PDHX: variants seen among roughly 807,000 people sequenced by gnomAD.
PDHX encodes pyruvate dehydrogenase protein X component, mitochondrial.
A neutral mutation model predicts 55.3 loss-of-function variants in PDHX; 33 were observed. The observed-to-expected ratio is 0.60, with a 90% confidence interval of 0.45 to 0.80. The LOEUF (loss-of-function observed/expected upper bound fraction) is 0.80, where lower values mean the gene tolerates loss of function less well. Among genes scored for constraint, PDHX ranks in the 30% least tolerant of loss-of-function variants. The probability of loss-of-function intolerance (pLI) is 0.00; values close to 1 mark genes in which losing one functional copy is unlikely to be tolerated. For synonymous variants in PDHX, 226 were observed against 219.4 expected (o/e 1.03, Z -0.27); for missense variants, 622 against 619.9 (o/e 1.00, Z -0.04).
intron 1 of PDHX, among the ~76,000 whole-genome samples, chr11:34,931,141 G>T (rs1197958329): frequency 6.6e-6 from 1 of 152,034 alleles, no homozygotes; most frequent in Non-Finnish European, 1.5e-5. Flanking sequence ...TAAGCACCTG[G>T]CTTGAGAAGA....
chr11:34,955,886 G>T (rs1854895968), intron 3 of PDHX, among the ~76,000 whole-genome samples: 2 of 151,972 alleles, frequency 1.3e-5, no homozygotes, highest in African/African-American at 4.8e-5. Context: ...AGTTTTGAAA[G>T]GAATTAACAT....
chr11:34,958,961 A>C (rs915545156), intron 4 of PDHX, among the ~76,000 whole-genome samples: 3 of 152,144 alleles, frequency 2.0e-5, no homozygotes, highest in African/African-American at 7.2e-5. Context: ...AAAAATCTAA[A>C]GATTTAGTAA....
intron 1 of PDHX, 69 bp downstream of exon 1, chr11:34,916,884 G>A: frequency 7.1e-7 from 1 of 1,411,322 alleles, no homozygotes; most frequent in Non-Finnish European, 9.7e-7. Context: ...GGGCAGTTAT[G>A]ATTGAGGGCC....
rs929971319 is a variant in PDHX at position 34,994,909 on chromosome 11, C to G, written c.1248-5C>G. The G allele has an allele frequency of 6.2e-7, 1 of 1,613,738 alleles. No homozygotes were observed. Among genetic ancestry groups the G allele is most frequent in the Non-Finnish European group, 8.5e-7 (1 of 1,179,814 alleles). On this transcript the variant is annotated splice_polypyrimidine_tract_variant and splice_region_variant and intron_variant, in intron 10 of 10. Transcript: ENST00000227868. ...CTCCTTCAGAGCTTTTTCTTTTCCCCCTAGTATTTCCAACTTGGGGATGTT... is the reference window on the plus strand; with the variant it reads ...CTCCTTCAGAGCTTTTTCTTTTCCCGCTAGTATTTCCAACTTGGGGATGTT...
chr11:34,955,571 A>T (rs1854886139), intron 3 of PDHX, among the ~76,000 whole-genome samples: 1 of 152,166 alleles, frequency 6.6e-6, no homozygotes, highest in Non-Finnish European at 1.5e-5. Flanking sequence ...TAAATAGAAA[A>T]AAATGTGAAT....
intron 9 of PDHX, among the ~76,000 whole-genome samples, chr11:34,989,739 CT>C: frequency 6.6e-6 from 1 of 152,248 alleles, no homozygotes; most frequent in South Asian, 2.1e-4. Context: ...TCCTAACACT[CT>C]TTATCTCATT....
intron 1 of PDHX, among the ~76,000 whole-genome samples, chr11:34,917,520 C>T (rs1192551626): frequency 7.9e-5 from 12 of 151,850 alleles, no homozygotes; most frequent in Non-Finnish European, 1.6e-4. Context: ...ATTATTTTTC[C>T]TTATTTTGGG....
At chr11:34,981,763 A>T (rs1268507342) in intron 8 of PDHX, among the ~76,000 whole-genome samples, 1 of 151,876 alleles carries the variant, frequency 6.6e-6, no homozygotes, top group African/African-American at 2.4e-5. Context: ...GATGATGAGC[A>T]TTTTTTCATG....
At chr11:34,979,783 G>A (rs1232813783) in intron 8 of PDHX, among the ~76,000 whole-genome samples, 2 of 152,078 alleles carry the variant, frequency 1.3e-5, no homozygotes, top group African/African-American at 2.4e-5. Flanking sequence ...ATTGGATAAT[G>A]TTTGTATCCA....
intron 2 of PDHX, among the ~76,000 whole-genome samples, chr11:34,940,756 T>G (rs1310190713): frequency 6.6e-6 from 1 of 152,214 alleles, no homozygotes; most frequent in Non-Finnish European, 1.5e-5. Context: ...GGATCTGTTT[T>G]TTGTCTCTAA....
chr11:34,975,611 G>A (rs778192742), intron 7 of PDHX, among the ~76,000 whole-genome samples: 5 of 151,768 alleles, frequency 3.3e-5, no homozygotes, highest in Non-Finnish European at 5.9e-5. Flanking sequence ...GCTGCTAGTC[G>A]CCATCTGTTT....
chr11:34,953,607 A>G (rs547963244), intron 3 of PDHX, among the ~76,000 whole-genome samples: 1 of 152,350 alleles, frequency 6.6e-6, no homozygotes, highest in Admixed American at 6.5e-5. Flanking sequence ...TGTTTTTTTA[A>G]AATACAGACA....
chr11:34,942,580 A>G lies in PDHX; in HGVS notation c.242-4926A>G, dbSNP rs192134008. On this transcript the variant is annotated intron_variant, in intron 2 of 10. Transcript: ENST00000227868. ...GGAGTCTTTCTAAGTTATAGCACTA[A>G]ATTTTTGATCACAGCTGAAACTCAG... Among the ~76,000 whole-genome samples, 70 of 152,254 alleles carry G rather than the reference A, an allele frequency of 4.6e-4. No individual in the cohort carries two copies. The Middle Eastern group carries it at 0.01, about 22-fold the overall frequency.
intron 7 of PDHX, among the ~76,000 whole-genome samples, chr11:34,974,829 GC>G (rs1855332220): frequency 6.6e-6 from 1 of 152,142 alleles, no homozygotes; most frequent in African/African-American, 2.4e-5. Flanking sequence ...GATTGCTTGA[GC>G]CCAGGAGTTG....
At chr11:34,993,247 C>G (rs1226426610) in intron 10 of PDHX, among the ~76,000 whole-genome samples, 2 of 151,754 alleles carry the variant, frequency 1.3e-5, no homozygotes, top group African/African-American at 2.4e-5. Context: ...CACTCTGTGA[C>G]TTGCCTTTGG....
At chr11:34,991,346 G>A (rs889646222) in intron 9 of PDHX, among the ~76,000 whole-genome samples, 1 of 152,118 alleles carries the variant, frequency 6.6e-6, no homozygotes, top group Admixed American at 6.5e-5. Flanking sequence ...AGAAGAAACC[G>A]TGAACCAAAT....
Position 34,916,690 on chromosome 11 carries a change from G to C in PDHX, c.35G>C (p.Arg12Pro), listed in dbSNP as rs200419151. Reference sequence around the variant, plus strand: ...TCCTGGAGGCTGGGCTGTGATCCGCGGCTGCTGCGTTATCTTGTGGGCTTC... The same window carrying C: ...TCCTGGAGGCTGGGCTGTGATCCGCCGCTGCTGCGTTATCTTGTGGGCTTC... ...AASWRLGCDP[R>P]LLRYLVGFPG... Residue 12 changes from arginine to proline, a missense_variant, in exon 1 of 11, where the codon CGG (arginine) becomes CCG (proline). Arg to Pro is a moderately radical substitution (Grantham distance 103). Transcript: ENST00000227868. The C allele has an allele frequency of 1.3e-5, 21 of 1,612,112 alleles. No homozygotes were observed. The East Asian group carries it at 1.3e-4, about 10-fold the overall frequency.
At chr11:34,942,376 T>C (rs1379933754) in intron 2 of PDHX, among the ~76,000 whole-genome samples, 2 of 152,228 alleles carry the variant, frequency 1.3e-5, no homozygotes, top group Non-Finnish European at 2.9e-5. Flanking sequence ...TACATAAAGA[T>C]GTATGTGAAG....
At chr11:34,984,114 G>A (rs1855587600) in intron 8 of PDHX, among the ~76,000 whole-genome samples, 1 of 152,120 alleles carries the variant, frequency 6.6e-6, no homozygotes, top group Non-Finnish European at 1.5e-5. Flanking sequence ...TTTAAATAGG[G>A]ATGTCATGTA....
Sources: gnomAD v4.1 joint callset for allele counts (sites outside exome capture counted in the v4.1 genomes callset) on GRCh38, gnomAD v4.1.1 for gene constraint, MANE v1.5 for transcripts, NCBI Gene and HGNC (gene_info 2026-07-23, HGNC 2026-07-21) for gene names.